ADAT3: variants seen among roughly 807,000 people sequenced by gnomAD.
The protein encoded by ADAT3 is tRNA-specific adenosine-34 deaminase regulatory subunit ADAT3.
A neutral mutation model predicts 3.5 loss-of-function variants in ADAT3; 2 were observed. The ratio of observed to expected loss-of-function variants is 0.57; its 90% CI spans 0.23 to 1.79. ADAT3 has a LOEUF of 1.79. Ranked by LOEUF, ADAT3 falls within the 40% of genes most tolerant of loss-of-function variation. ADAT3 has a pLI of 0.18. For synonymous variants in ADAT3, 358 were observed against 270.3 expected (o/e 1.32, Z -3.18); for missense variants, 735 against 571.4 (o/e 1.29, Z -2.92).
At position 1,912,694 on chromosome 19, in the gene ADAT3, T is replaced by G; in HGVS notation, c.647T>G (p.Val216Gly). Reference protein sequence around the residue: ...RGLRAVGAVVVDPASDRVLAT... With the variant: ...RGLRAVGAVVGDPASDRVLAT... ...TTGCGGGCCGTGGGGGCCGTGGTAG[T>G]GGACCCGGCCTCGGACCGCGTGCTG... Residue 216 changes from valine (V) to glycine (G), a missense_variant, in exon 2 of 2, where the codon GTG (valine) becomes GGG (glycine). Transcript: ENST00000329478. 1 of 1,476,128 alleles carries G rather than the reference T, an allele frequency of 6.8e-7. No homozygotes were observed. Among genetic ancestry groups the G allele is most frequent in the Non-Finnish European group, 8.9e-7 (1 of 1,123,026 alleles). 91.4% of individuals were successfully genotyped at this position (1,476,128 alleles called of 1,614,324 possible).
rs2145435261 is a variant in ADAT3, at chr19:1,911,958, C to T, written c.-90C>T. The stretch of plus-strand genomic sequence containing the variant: ...TGGGCCGGAGCCCTCGGACTAGCCT[C>T]AGCTTTGGTGGCAGCACGCCCTGCC... On this transcript the variant is annotated 5_prime_UTR_variant, in exon 2 of 2. Transcript: ENST00000329478. The T allele has an allele frequency of 2.9e-6, 4 of 1,400,582 alleles. No individual in the cohort carries two copies. The highest frequency in any genetic ancestry group is 2.8e-6 in the Non-Finnish European group (3 of 1,082,596). The allele number at this position is 1,400,582 out of a possible 1,614,324, so 86.8% of individuals were successfully genotyped here.
At position 1,913,331 on chromosome 19, in the gene ADAT3, T is replaced by C. The variant is rs990866727; in HGVS notation, c.*180T>C. The C allele has an allele frequency of 1.1e-6, 1 of 934,892 alleles. No homozygotes were observed. The highest frequency in any genetic ancestry group is 1.6e-6 in the Non-Finnish European group (1 of 637,992). 57.9% of individuals were successfully genotyped at this position (934,892 alleles called of 1,614,324 possible). ...GATCGAGCTTTCCTGGACTCGGTCA[T>C]TGGGGCCACCCCGTGCCAGCGGTGC... On this transcript the variant is annotated 3_prime_UTR_variant, in exon 2 of 2. Transcript: ENST00000329478.
At chr19:1,905,480 G>C (rs1191125654) in intron 1 of ADAT3, 41 bp downstream of exon 1, 3 of 447,802 alleles carry the variant, frequency 6.7e-6, no homozygotes, top group Non-Finnish European at 1.4e-5. Context: ...TCCAGGCTCA[G>C]ACTTCCCCAG....
At position 1,912,104 on chromosome 19, in the gene ADAT3, C is replaced by T. The variant is rs1353036722; in HGVS notation, c.57C>T (p.Pro19=). Residue 19 remains proline, a synonymous_variant, in exon 2 of 2, where the codon CCC becomes CCT. Coordinates refer to ENST00000329478, the MANE Select transcript of ADAT3 (RefSeq NM_138422.4). The part of the protein sequence containing the change: ...LPQSASLRME[P]APGLVEQPKC... ...AGTCGGCCTCGCTGAGGATGGAGCC[C>T]GCCCCGGGCCTCGTGGAGCAGCCCA... 13 of 1,509,250 alleles carry T rather than the reference C, an allele frequency of 8.6e-6. No homozygotes were observed. Among genetic ancestry groups the T allele is most frequent in the East Asian group, 2.5e-5 (1 of 39,820 alleles). The allele number at this position is 1,509,250 out of a possible 1,614,324, so 93.5% of individuals were successfully genotyped here.
intron 1 of ADAT3, chr19:1,907,016 C>T (rs12977411): frequency 0.062 from 9,398 of 151,520 alleles, 375 homozygotes; most frequent in East Asian, 0.13. Flanking sequence ...TGAAATCCCA[C>T]CTCTACTAAA....
chr19:1,912,635 G>C lies in ADAT3; in HGVS notation c.588G>C (p.Ala196=). The C allele has an allele frequency of 1.4e-6, 2 of 1,438,950 alleles. No homozygotes were observed. Among genetic ancestry groups the C allele is most frequent in the South Asian group, 1.4e-5 (1 of 71,948 alleles). 89.1% of individuals were successfully genotyped at this position (1,438,950 alleles called of 1,614,324 possible). A position where few individuals can be genotyped will look rare whatever the true frequency, so the allele number is the denominator to read the frequency against. The change falls in exon 2 of 2, where the codon GCG becomes GCC. Residue 196 remains alanine (A), a synonymous_variant. Transcript: ENST00000329478. ...CCATGCAGAGCCACATGGAGCGGGC[G>C]GTGTGGGCGGCCCGGCGGGCAGCAG... The part of the protein sequence containing the change: ...RAAMQSHMER[A]VWAARRAAAR...
chr19:1,908,628 G>A lies in ADAT3; in HGVS notation c.-159+3189G>A, dbSNP rs1568760315. 2.1e-6 allele frequency: 1 copy of A among 468,566 alleles called. No individual in the cohort carries two copies. The highest frequency in any genetic ancestry group is 4.4e-6 in the Non-Finnish European group (1 of 226,252). 29.0% of individuals were successfully genotyped at this position (468,566 alleles called of 1,614,324 possible). A position where few individuals can be genotyped will look rare whatever the true frequency, so the allele number is the denominator to read the frequency against. ...TACTGTCTGCTAGAAATAACTGTGAGCACACAGGTAGTAAGGTTTTTAGGA... is the reference window on the plus strand; with the variant it reads ...TACTGTCTGCTAGAAATAACTGTGAACACACAGGTAGTAAGGTTTTTAGGA... On this transcript the variant is annotated intron_variant, in intron 1 of 1. Transcript: ENST00000329478. The surrounding 1 kb of genome is among the most constrained non-coding windows in gnomAD (Gnocchi z 4.2).
intron 1 of ADAT3, among the ~76,000 whole-genome samples, chr19:1,910,831 T>C (rs528077490): frequency 6.6e-6 from 1 of 151,754 alleles, no homozygotes; most frequent in African/African-American, 2.4e-5. Flanking sequence ...CGCCTCAGCC[T>C]CCCAAAGTGC....
In ADAT3 at chr19:1,908,921, A is replaced by G. The variant is rs903729291; in HGVS notation, c.-158-2969A>G. ...GAGTTCCAAGACCAGCCTGGCCAAC[A>G]TGGTGGAACCCCGTCTCTACTGAAA... On this transcript the variant is annotated intron_variant, in intron 1 of 1. Coordinates refer to ENST00000329478, the MANE Select transcript of ADAT3 (RefSeq NM_138422.4). This position sits in a 1 kb window ranked among gnomAD's most constrained non-coding sequence, Gnocchi z 4.2. Among the ~76,000 whole-genome samples, 2 of 151,914 alleles carry G rather than the reference A, an allele frequency of 1.3e-5. No individual in the cohort carries two copies. The highest frequency in any genetic ancestry group is 4.8e-5 in the African/African-American group (2 of 41,342).
intron 1 of ADAT3, chr19:1,906,099 C>G (rs1325501566): frequency 6.6e-6 from 1 of 152,254 alleles, no homozygotes; most frequent in East Asian, 1.9e-4. Context: ...AGTTCCTCAC[C>G]CTATAACCCC....
In ADAT3 at chr19:1,913,082, C is replaced by G; in HGVS notation, c.1035C>G (p.Leu345=). Residue 345 remains leucine, a synonymous_variant, in exon 2 of 2, where the codon CTC becomes CTG. Transcript: ENST00000329478. The part of the protein sequence containing the change: ...TRFRIHARPD[L]NHRFQVFRGV... The stretch of plus-strand genomic sequence containing the variant: ...TCCGCATCCACGCACGGCCCGACCT[C>G]AACCACCGCTTCCAGGTGTTCCGCG... The G allele has an allele frequency of 6.2e-7, 1 of 1,601,312 alleles. No homozygotes were observed. Among genetic ancestry groups the G allele is most frequent in the Non-Finnish European group, 8.5e-7 (1 of 1,178,294 alleles).
In ADAT3 at chr19:1,912,152, G is replaced by T; in HGVS notation, c.105G>T (p.Pro35=). Reference sequence around the variant, plus strand: ...CCAAGTGCTTGGAGGCCGGGAGCCCGGAGCCTGAGCCGGCGCCGTGGCAGG... The same window carrying T: ...CCAAGTGCTTGGAGGCCGGGAGCCCTGAGCCTGAGCCGGCGCCGTGGCAGG... ...EQPKCLEAGS[P]EPEPAPWQAL... The change falls in exon 2 of 2, where the codon CCG becomes CCT. Residue 35 remains proline, a synonymous_variant. Transcript: ENST00000329478. 1 of 1,567,724 alleles carries T rather than the reference G, an allele frequency of 6.4e-7. No individual in the cohort carries two copies. The highest frequency in any genetic ancestry group is 8.6e-7 in the Non-Finnish European group (1 of 1,161,922).
At position 1,912,566 on chromosome 19, in the gene ADAT3, C is replaced by G. The variant is rs2013525160; in HGVS notation, c.519C>G (p.Thr173=). 3 of 1,498,712 alleles carry G rather than the reference C, an allele frequency of 2.0e-6. No homozygotes were observed. The highest frequency in any genetic ancestry group is 2.7e-6 in the Non-Finnish European group (3 of 1,130,896). 92.8% of individuals were successfully genotyped at this position (1,498,712 alleles called of 1,614,324 possible). A position where few individuals can be genotyped will look rare whatever the true frequency, so the allele number is the denominator to read the frequency against. ...CCTTCCACGAGGACAAGCAGGTGAC[C>G]AGCGCCCTGGCTGGGCGGCTCTTCT... ...PTSFHEDKQV[T]SALAGRLFST... Residue 173 remains threonine (T), a synonymous_variant, in exon 2 of 2, where the codon ACC becomes ACG. Transcript: ENST00000329478.
chr19:1,905,558 C>CG (rs1303499995), intron 1 of ADAT3, 119 bp downstream of exon 1: 2 of 297,008 alleles, frequency 6.7e-6, no homozygotes, highest in Middle Eastern at 8.0e-4. Flanking sequence ...GGGGAGAAAA[C>CG]GGGGGGCCCA....
chr19:1,908,207 GGCCTCGGGCAGCGGCAGCACCTGGCGCT>G lies in ADAT3; in HGVS notation c.-159+2774_-159+2801del, dbSNP rs890343469. 3.6e-6 allele frequency: 1 copy of G among 275,070 alleles called. No homozygotes were observed. 17.0% of individuals were successfully genotyped at this position (275,070 alleles called of 1,614,324 possible). The stretch of plus-strand genomic sequence containing the variant: ...CTGCTATGGGCCCCACCTGGCACGG[GGCCTCGGGCAGCGGCAGCACCTGGCGCT>G]GCCTCCGCGCTTCCTGCTCCCGGCT... On this transcript the variant is annotated intron_variant, in intron 1 of 1. Transcript: ENST00000329478. This position sits in a 1 kb window ranked among gnomAD's most constrained non-coding sequence, Gnocchi z 4.2.
Position 1,913,084 on chromosome 19 carries a change from A to G in ADAT3, c.1037A>G (p.Asn346Ser), listed in dbSNP as rs953934210. ...CGCATCCACGCACGGCCCGACCTCA[A>G]CCACCGCTTCCAGGTGTTCCGCGGG... ...RFRIHARPDL[N>S]HRFQVFRGVL... Residue 346 changes from asparagine (N) to serine (S), a missense_variant, in exon 2 of 2, where the codon AAC becomes AGC. Transcript: ENST00000329478. The G allele has an allele frequency of 7.5e-6, 12 of 1,600,902 alleles. No homozygotes were observed. Among genetic ancestry groups the G allele is most frequent in the Admixed American group, 3.4e-5 (2 of 59,628 alleles).
chr19:1,910,162 CCT>C (rs567247191), intron 1 of ADAT3, among the ~76,000 whole-genome samples: 171 of 152,304 alleles, frequency 1.1e-3, no homozygotes, highest in African/African-American at 3.7e-3. Context: ...ATGGCTGGCT[CCT>C]CTCTGCGGGG....
In ADAT3 at chr19:1,908,828, G is replaced by A. The variant is rs1971406971; in HGVS notation, c.-158-3062G>A. Among the ~76,000 whole-genome samples, 1 of 152,154 alleles carries A rather than the reference G, an allele frequency of 6.6e-6. No homozygotes were observed. Among genetic ancestry groups the A allele is most frequent in the African/African-American group, 2.4e-5 (1 of 41,426 alleles). Reference sequence around the variant, plus strand: ...TATACTTTTAAGCAATGTGGGCTGGGCACGGTGGCTCACACCTGTAATCCC... The same window carrying A: ...TATACTTTTAAGCAATGTGGGCTGGACACGGTGGCTCACACCTGTAATCCC... On this transcript the variant is annotated intron_variant, in intron 1 of 1. Coordinates refer to ENST00000329478, the MANE Select transcript of ADAT3 (RefSeq NM_138422.4). The surrounding 1 kb of genome is among the most constrained non-coding windows in gnomAD (Gnocchi z 4.2).
chr19:1,906,917 GTGGCTCACGCCT>G (rs2013154594), intron 1 of ADAT3: 3 of 144,818 alleles, frequency 2.1e-5, no homozygotes, highest in African/African-American at 7.9e-5. Flanking sequence ...GCTGGGCGCA[GTGGCTCACGCCT>G]GTAATCCCAG....
Sources: allele counts gnomAD v4.1 joint callset (sites outside exome capture counted in the v4.1 genomes callset), GRCh38; gene constraint gnomAD v4.1.1; non-coding constraint Gnocchi (gnomAD v3.1); transcripts MANE v1.5; gene names NCBI Gene and HGNC (gene_info 2026-07-23, HGNC 2026-07-21).